The following SPIDR variants were observed in gnomAD, a reference collection of about 807,000 sequenced individuals.
SPIDR encodes scaffold protein involved in DNA repair.
Under a neutral mutation model 104.6 loss-of-function variants are expected in SPIDR, and 93 were observed. That is an observed-to-expected ratio of 0.89 (90% CI 0.75 to 1.06). The LOEUF (loss-of-function observed/expected upper bound fraction) is 1.06. Ranked by LOEUF, SPIDR falls within the 50% of genes least tolerant of loss-of-function variation. The pLI, the probability that SPIDR is intolerant of heterozygous loss-of-function variation, is 0.00. For missense variants in SPIDR, 1,154 were observed against 1,111.2 expected (o/e 1.04, Z -0.55); for synonymous variants, 431 against 416.9 (o/e 1.03, Z -0.41).
chr8:47,386,995 G>A (rs994685040), intron 5 of SPIDR, among the ~76,000 whole-genome samples: 2 of 151,952 alleles, frequency 1.3e-5, no homozygotes, highest in Non-Finnish European at 2.9e-5. Flanking sequence ...TACTGCTGTT[G>A]CCCCAGCCCC....
In SPIDR at chr8:47,670,234, A is replaced by G. The variant is rs569031214; in HGVS notation, c.1545-3567A>G. 2.0e-5 allele frequency among the ~76,000 whole-genome samples: 3 copies of G among 152,172 alleles called. No homozygotes were observed. The East Asian group carries it at 5.8e-4, about 29-fold the overall frequency. The stretch of plus-strand genomic sequence containing the variant: ...CCTGGACTTCCCTATTTAGTTATGG[A>G]ATGGAGAAGCAAGTCACGTGAGGAG... On this transcript the variant is annotated intron_variant, in intron 10 of 19. Coordinates refer to ENST00000297423, the MANE Select transcript of SPIDR (RefSeq NM_001080394.4).
intron 2 of SPIDR, among the ~76,000 whole-genome samples, chr8:47,281,319 T>C (rs2037732394): frequency 6.6e-6 from 1 of 152,170 alleles, no homozygotes; most frequent in South Asian, 2.1e-4. Flanking sequence ...TTTCCTAAAA[T>C]AAGGCAAAAG....
At chr8:47,532,743 A>T (rs1003317433) in intron 8 of SPIDR, among the ~76,000 whole-genome samples, 1 of 152,268 alleles carries the variant, frequency 6.6e-6, no homozygotes, top group African/African-American at 2.4e-5. Flanking sequence ...GCAGAACTCA[A>T]TAAAGGCATT....
intron 8 of SPIDR, among the ~76,000 whole-genome samples, chr8:47,578,254 C>T (rs368505677): frequency 3.3e-5 from 5 of 152,124 alleles, no homozygotes; most frequent in Non-Finnish European, 5.9e-5. Flanking sequence ...GGGCAGATCA[C>T]GAGGTCAGGA....
At chr8:47,314,910 AT>A (rs1333640883) in intron 5 of SPIDR, among the ~76,000 whole-genome samples, 2 of 152,224 alleles carry the variant, frequency 1.3e-5, no homozygotes, top group Non-Finnish European at 2.9e-5. Context: ...CATTTTAAAA[AT>A]AATGACACAG....
chr8:47,374,682 T>A (rs972824006), intron 5 of SPIDR, among the ~76,000 whole-genome samples: 1 of 152,206 alleles, frequency 6.6e-6, no homozygotes, highest in Non-Finnish European at 1.5e-5. Flanking sequence ...TCTTCTAATT[T>A]GTTATGGACA....
At chr8:47,590,869 G>A (rs1003004346) in intron 8 of SPIDR, among the ~76,000 whole-genome samples, 8 of 152,088 alleles carry the variant, frequency 5.3e-5, no homozygotes, top group African/African-American at 1.7e-4. Flanking sequence ...TCTTCATGGT[G>A]GATTGATCTT....
intron 8 of SPIDR, among the ~76,000 whole-genome samples, chr8:47,577,347 A>G (rs1009891548): frequency 2.0e-5 from 3 of 152,258 alleles, no homozygotes; most frequent in Non-Finnish European, 4.4e-5. Context: ...GACAGGCTCC[A>G]TAGAAAGGTT....
chr8:47,705,866 A>G (rs902841739), intron 14 of SPIDR, among the ~76,000 whole-genome samples: 2 of 151,024 alleles, frequency 1.3e-5, no homozygotes, highest in African/African-American at 4.9e-5. Context: ...GCACCACTCC[A>G]CTCCAGCCTG....
chr8:47,729,584 G>C, intron 19 of SPIDR, 119 bp downstream of exon 19: 1 of 1,170,612 alleles, frequency 8.5e-7, no homozygotes. Flanking sequence ...CCACTAGGAA[G>C]TGGTGTAGAC....
intron 8 of SPIDR, among the ~76,000 whole-genome samples, chr8:47,567,265 G>A (rs1020147382): frequency 3.3e-5 from 5 of 151,488 alleles, no homozygotes; most frequent in East Asian, 1.9e-4. Context: ...CGTTGCCCAT[G>A]CTGGAGTGCA....
rs551872352 is a variant in SPIDR at position 47,492,452 on chromosome 8, G to A, written c.1097+51910G>A. Among the ~76,000 whole-genome samples, 6 of 152,244 alleles carry A rather than the reference G, an allele frequency of 3.9e-5. No individual in the cohort carries two copies. In the South Asian group the frequency reaches 1.2e-3, roughly 32 times the overall value. The stretch of plus-strand genomic sequence containing the variant: ...TTTAGCCCTAATGAATTCACTTCTT[G>A]CACCCTGCTGATTGTAAATCAGTGA... On this transcript the variant is annotated intron_variant, in intron 8 of 19. Coordinates refer to ENST00000297423, the MANE Select transcript of SPIDR (RefSeq NM_001080394.4).
At chr8:47,279,448 G>C (rs2037275250) in intron 1 of SPIDR, 1 of 159,404 alleles carries the variant, frequency 6.3e-6, no homozygotes, top group Admixed American at 6.1e-5. Flanking sequence ...TAGAGCCCCT[G>C]CTCTCACCTA....
rs377586093 is a variant in SPIDR at position 47,625,771 on chromosome 8, A to G, written c.1544+26575A>G. ...ACAAATGGAAGAACATTCCATGCTC[A>G]TGGGTAGGAAGAATCAATATCATGA... On this transcript the variant is annotated intron_variant, in intron 10 of 19. Transcript: ENST00000297423. Among the ~76,000 whole-genome samples the G allele has an allele frequency of 3.8e-3, 572 of 152,290 alleles. 3 individuals carry two copies. Among genetic ancestry groups the G allele is most frequent in the South Asian group, 0.023 (109 of 4,824 alleles).
chr8:47,278,801 G>A (rs1433621037), intron 1 of SPIDR, among the ~76,000 whole-genome samples: 1 of 152,026 alleles, frequency 6.6e-6, no homozygotes, highest in African/African-American at 2.4e-5. Context: ...ATAATTATAC[G>A]GCATTTAGCT....
intron 5 of SPIDR, among the ~76,000 whole-genome samples, chr8:47,355,136 A>C (rs1200502335): frequency 6.6e-6 from 1 of 151,984 alleles, no homozygotes; most frequent in African/African-American, 2.4e-5. Context: ...TTGTATTTTA[A>C]GTAAAGACAG....
intron 5 of SPIDR, among the ~76,000 whole-genome samples, chr8:47,298,069 C>T (rs2154243953): frequency 6.6e-6 from 1 of 152,316 alleles, no homozygotes; most frequent in South Asian, 2.1e-4. Flanking sequence ...TTTACACTCC[C>T]ACCAACAGTG....
At chr8:47,666,262 A>G (rs1216225170) in intron 10 of SPIDR, among the ~76,000 whole-genome samples, 1 of 152,230 alleles carries the variant, frequency 6.6e-6, no homozygotes, top group African/African-American at 2.4e-5. Context: ...GTAGCCACAT[A>G]TGGCTAGTGG....
intron 16 of SPIDR, among the ~76,000 whole-genome samples, chr8:47,725,133 G>A (rs932839737): frequency 1.3e-5 from 2 of 152,224 alleles, no homozygotes; most frequent in African/African-American, 4.8e-5. Context: ...TCAAGTTACT[G>A]AAGAAATGTG....
Sources: gnomAD v4.1 joint callset for allele counts (sites outside exome capture counted in the v4.1 genomes callset) on GRCh38, gnomAD v4.1.1 for gene constraint, MANE v1.5 for transcripts, NCBI Gene and HGNC (gene_info 2026-07-23, HGNC 2026-07-21) for gene names.